The following AFAP1 variants were observed in gnomAD, a reference collection of about 807,000 sequenced individuals.
AFAP1 encodes actin filament-associated protein 1.
Under a neutral mutation model 93.9 loss-of-function variants are expected in AFAP1, and 75 were observed. The observed-to-expected ratio is 0.80, with a 90% CI of 0.66 to 0.97. AFAP1 has a LOEUF of 0.97. AFAP1 is among the 50% of genes least tolerant of loss of function. AFAP1 has a pLI of 0.00. For missense variants in AFAP1, 1,201 were observed against 1,050.8 expected (o/e 1.14, Z -1.98); for synonymous variants, 517 against 430.7 (o/e 1.20, Z -2.48).
At chr4:7,872,910 TCA>T (rs1717169724) in intron 1 of AFAP1, among the ~76,000 whole-genome samples, 1 of 132,136 alleles carries the variant, frequency 7.6e-6, no homozygotes, top group Admixed American at 8.0e-5. Context: ...CACCATATAC[TCA>T]CAGGTTTTTT....
intron 9 of AFAP1, 120 bp from the exon 10 acceptor site, chr4:7,800,773 C>T (rs915875714): frequency 2.0e-5 from 19 of 950,572 alleles, no homozygotes; most frequent in Admixed American, 4.4e-5. Context: ...ATCCTTCACA[C>T]GATCGATCAA....
At chr4:7,911,522 G>T (rs1719725385) in intron 1 of AFAP1, among the ~76,000 whole-genome samples, 1 of 152,218 alleles carries the variant, frequency 6.6e-6, no homozygotes, top group African/African-American at 2.4e-5. Flanking sequence ...ATGCTTTACG[G>T]ATTGCACAGC....
At chr4:7,852,524 G>A (rs1448161676) in intron 4 of AFAP1, among the ~76,000 whole-genome samples, 1 of 152,066 alleles carries the variant, frequency 6.6e-6, no homozygotes, top group South Asian at 2.1e-4. Context: ...GCCCCTCTGT[G>A]TTCTCACACC....
At chr4:7,935,638 G>C (rs2149248314) in intron 1 of AFAP1, among the ~76,000 whole-genome samples, 1 of 152,278 alleles carries the variant, frequency 6.6e-6, no homozygotes, top group Admixed American at 6.5e-5. Context: ...AGACTCATAA[G>C]CTGACAAAAG....
rs1641248302 is a variant in AFAP1, at chr4:7,839,895, T to C, written c.547-1192A>G. On this transcript the variant is annotated intron_variant, in intron 5 of 17. Coordinates refer to ENST00000420658, the MANE Select transcript of AFAP1 (RefSeq NM_001134647.2). ...AGTTTCTTAAACTTCCTGAGTCTGT[T>C]TCCTCGTTTGCAAAATGTGTTTTGC... 3.3e-5 allele frequency among the ~76,000 whole-genome samples: 5 copies of C among 152,202 alleles called. No individual in the cohort carries two copies. In the South Asian group the frequency reaches 1.0e-3, roughly 32 times the overall value.
intron 3 of AFAP1, among the ~76,000 whole-genome samples, chr4:7,866,808 A>C (rs993536115): frequency 3.3e-5 from 5 of 151,886 alleles, no homozygotes; most frequent in Admixed American, 2.6e-4. Context: ...GGACCAAGGC[A>C]GGAGGATCAC....
At chr4:7,930,940 C>G (rs1226119080) in intron 1 of AFAP1, among the ~76,000 whole-genome samples, 1 of 152,106 alleles carries the variant, frequency 6.6e-6, no homozygotes, top group Non-Finnish European at 1.5e-5. Flanking sequence ...TTAGTAGAGA[C>G]GAGGTTTCAC....
chr4:7,933,186 C>T (rs1437935048), intron 1 of AFAP1, among the ~76,000 whole-genome samples: 5 of 152,024 alleles, frequency 3.3e-5, no homozygotes, highest in Non-Finnish European at 5.9e-5. Context: ...CCTGTGACTA[C>T]GTCACACGGC....
intron 1 of AFAP1, among the ~76,000 whole-genome samples, chr4:7,922,168 A>T (rs572001404): frequency 6.6e-6 from 1 of 152,218 alleles, no homozygotes; most frequent in Non-Finnish European, 1.5e-5. Flanking sequence ...TGGGAGTAGG[A>T]CTTCCTTTCA....
chr4:7,844,824 C>G (rs545348339), intron 4 of AFAP1, among the ~76,000 whole-genome samples: 1 of 152,376 alleles, frequency 6.6e-6, no homozygotes, highest in African/African-American at 2.4e-5. Context: ...TCTGATTCAT[C>G]TCCAAATTCC....
chr4:7,801,293 A>G (rs1718998079), intron 9 of AFAP1, among the ~76,000 whole-genome samples: 1 of 152,192 alleles, frequency 6.6e-6, no homozygotes, highest in South Asian at 2.1e-4. Flanking sequence ...CGACGGGTGA[A>G]GCTGCCCGGA....
chr4:7,850,861 T>C lies in AFAP1; in HGVS notation c.334+4605A>G, dbSNP rs561487566. On this transcript the variant is annotated intron_variant, in intron 4 of 17. Transcript: ENST00000420658. ...ATAGATGAGTTGCAGTTTGACCTCA[T>C]GGATTATCGTTTACCCTTGACCTCC... 5.3e-4 allele frequency among the ~76,000 whole-genome samples: 80 copies of C among 152,370 alleles called. No individual in the cohort carries two copies. In the South Asian group the frequency reaches 0.016, roughly 31 times the overall value.
chr4:7,810,984 C>T lies in AFAP1; in HGVS notation c.905-1221G>A, dbSNP rs117194545. ...GCAGGGATCAGGCAAGAAATCAGAA[C>T]GTGCGTGTGAGACAGCACCAGAACC... is the stretch of plus-strand genomic sequence containing the variant. On this transcript the variant is annotated intron_variant, in intron 8 of 17. Coordinates refer to ENST00000420658, the MANE Select transcript of AFAP1 (RefSeq NM_001134647.2). Among the ~76,000 whole-genome samples the T allele has an allele frequency of 4.3e-4, 65 of 152,344 alleles. No individual in the cohort carries two copies. In the East Asian group the frequency reaches 0.011, roughly 26 times the overall value.
chr4:7,846,727 T>C (rs1177438981), intron 4 of AFAP1, among the ~76,000 whole-genome samples: 8 of 152,176 alleles, frequency 5.3e-5, no homozygotes, highest in Admixed American at 2.6e-4. Context: ...GATAAAGCCA[T>C]GAAAAGCCGG....
chr4:7,869,004 A>AGAAAGGGAAAGG (rs201461909), intron 2 of AFAP1, among the ~76,000 whole-genome samples: 2 of 151,204 alleles, frequency 1.3e-5, no homozygotes, highest in Admixed American at 1.3e-4. Flanking sequence ...AAAGAGAAAG[A>AGAAAGGGAAAGG]GAAAGGGAAA....
At chr4:7,847,910 A>G (rs991778614) in intron 4 of AFAP1, among the ~76,000 whole-genome samples, 1 of 151,960 alleles carries the variant, frequency 6.6e-6, no homozygotes, top group Non-Finnish European at 1.5e-5. Flanking sequence ...CTCTGTTGAA[A>G]GGACGTTGTT....
intron 1 of AFAP1, among the ~76,000 whole-genome samples, chr4:7,872,684 G>C (rs1444286260): frequency 6.6e-6 from 1 of 152,160 alleles, no homozygotes; most frequent in Admixed American, 6.5e-5. Context: ...TGCTGGCTTA[G>C]GTCAGCAGTT....
At chr4:7,898,983 T>TGTATATACAATACC (rs1718959802) in intron 1 of AFAP1, among the ~76,000 whole-genome samples, 4 of 149,706 alleles carry the variant, frequency 2.7e-5, no homozygotes, top group Non-Finnish European at 5.9e-5. Flanking sequence ...TATACAATGG[T>TGTATATACAATACC]ATTGTATATA....
chr4:7,895,732 G>A (rs1577341823), intron 1 of AFAP1, among the ~76,000 whole-genome samples: 1 of 152,008 alleles, frequency 6.6e-6, no homozygotes, highest in East Asian at 1.9e-4. Context: ...AACAATAGCT[G>A]CCATCCAAAA....
Sources: gnomAD v4.1 joint callset for allele counts (sites outside exome capture counted in the v4.1 genomes callset) on GRCh38, gnomAD v4.1.1 for gene constraint, MANE v1.5 for transcripts, NCBI Gene and HGNC (gene_info 2026-07-23, HGNC 2026-07-21) for gene names.